The following WDR49 variants were observed in gnomAD, a reference collection of about 807,000 sequenced individuals.
The protein encoded by WDR49 is cilia- and flagella-associated protein 337.
WDR49 carries 107 observed loss-of-function variants against 119.5 expected under a neutral mutation model. The observed-to-expected ratio is 0.90, with a 90% CI of 0.77 to 1.05. WDR49 has a LOEUF of 1.05. Ranked by LOEUF, WDR49 falls within the 50% of genes least tolerant of loss-of-function variation. The pLI, the probability that WDR49 is intolerant of heterozygous loss-of-function variation, is 0.00. For missense variants in WDR49, 1,240 were observed against 1,220.5 expected (o/e 1.02, Z -0.24); for synonymous variants, 425 against 418.8 (o/e 1.01, Z -0.18).
chr3:167,621,326 C>T, intron 4 of WDR49, 141 bp downstream of exon 4: 1 of 836,194 alleles, frequency 1.2e-6, no homozygotes, highest in Non-Finnish European at 1.7e-6. Flanking sequence ...TGACCTAATC[C>T]ATCTCTTCCA....
chr3:167,536,155 A>G (rs577419727), intron 11 of WDR49, among the ~76,000 whole-genome samples: 3 of 152,194 alleles, frequency 2.0e-5, no homozygotes, highest in African/African-American at 4.8e-5. Context: ...TTGGTGTTCT[A>G]TTGCATAGTA....
At chr3:167,498,859 T>G (rs1577198981) in intron 18 of WDR49, among the ~76,000 whole-genome samples, 1 of 152,184 alleles carries the variant, frequency 6.6e-6, no homozygotes, top group East Asian at 1.9e-4. Context: ...CTCCCTGAAC[T>G]TTGAAAGGAA....
intron 7 of WDR49, among the ~76,000 whole-genome samples, chr3:167,581,752 T>A (rs909272534): frequency 6.6e-6 from 1 of 152,188 alleles, no homozygotes; most frequent in Non-Finnish European, 1.5e-5. Flanking sequence ...TAAATAGATG[T>A]GTGAATGGAT....
chr3:167,644,043 C>T (rs1049358677), intron 2 of WDR49, among the ~76,000 whole-genome samples: 3 of 147,432 alleles, frequency 2.0e-5, no homozygotes, highest in Non-Finnish European at 4.5e-5. Flanking sequence ...TGACAAATTC[C>T]CCCCAATCCC....
chr3:167,560,807 G>C (rs1275649219), intron 8 of WDR49, among the ~76,000 whole-genome samples: 1 of 150,394 alleles, frequency 6.6e-6, no homozygotes, highest in Non-Finnish European at 1.5e-5. Flanking sequence ...AAAGAGCACA[G>C]GTTAAATATA....
At chr3:167,599,073 G>A (rs1270339527) in intron 7 of WDR49, among the ~76,000 whole-genome samples, 3 of 152,138 alleles carry the variant, frequency 2.0e-5, no homozygotes, top group Non-Finnish European at 2.9e-5. Context: ...AAAGCCTGCT[G>A]TAACCATTAC....
chr3:167,631,370 C>G (rs1293971435), intron 2 of WDR49, among the ~76,000 whole-genome samples: 2 of 151,890 alleles, frequency 1.3e-5, no homozygotes, highest in Non-Finnish European at 2.9e-5. Flanking sequence ...AGAGCTGAAA[C>G]AAGAAAGCAG....
intron 10 of WDR49, among the ~76,000 whole-genome samples, chr3:167,548,670 T>C (rs1224832331): frequency 6.6e-6 from 1 of 151,958 alleles, no homozygotes; most frequent in African/African-American, 2.4e-5. Flanking sequence ...GTAACTCAAG[T>C]TGCAATGATA....
At chr3:167,591,519 G>T (rs890907465) in intron 7 of WDR49, among the ~76,000 whole-genome samples, 1 of 151,686 alleles carries the variant, frequency 6.6e-6, no homozygotes, top group African/African-American at 2.4e-5. Flanking sequence ...TCCAGCTATT[G>T]TTGTATTGTG....
intron 7 of WDR49, among the ~76,000 whole-genome samples, chr3:167,587,504 G>C (rs980149580): frequency 2.6e-5 from 4 of 151,496 alleles, no homozygotes; most frequent in African/African-American, 9.7e-5. Context: ...TTTCTTTTTT[G>C]AGACAGGGTC....
At chr3:167,498,538 C>A (rs946773215) in intron 18 of WDR49, among the ~76,000 whole-genome samples, 3 of 151,942 alleles carry the variant, frequency 2.0e-5, no homozygotes, top group African/African-American at 7.3e-5. Context: ...AGAAAATAGC[C>A]TGGGACAAAG....
intron 10 of WDR49, among the ~76,000 whole-genome samples, chr3:167,549,253 T>C (rs557582351): frequency 2.0e-5 from 3 of 152,262 alleles, no homozygotes; most frequent in Admixed American, 6.5e-5. Context: ...TTCTAGATCC[T>C]TGAGGAATCG....
At position 167,500,300 on chromosome 3, in the gene WDR49, C is replaced by T. The variant is rs1751512526; in HGVS notation, c.2885-1G>A. The T allele has an allele frequency of 1.9e-6, 3 of 1,604,900 alleles. No homozygotes were observed. The highest frequency in any genetic ancestry group is 2.5e-6 in the Non-Finnish European group (3 of 1,177,120). On this transcript the variant is annotated splice_acceptor_variant, in intron 17 of 18. Transcript: ENST00000682715. LOFTEE classifies it high-confidence loss of function. Reference sequence around the variant, plus strand: ...CCAATGTTTAATGACCTAAATGTACCTTCACAACAGCAGGTTTTAGAGGAA... The same window carrying T: ...CCAATGTTTAATGACCTAAATGTACTTTCACAACAGCAGGTTTTAGAGGAA...
intron 18 of WDR49, among the ~76,000 whole-genome samples, chr3:167,493,178 A>G (rs1197817706): frequency 6.6e-6 from 1 of 152,112 alleles, no homozygotes; most frequent in Non-Finnish European, 1.5e-5. Context: ...CTAGGCTCTT[A>G]TAGCATGACT....
At chr3:167,547,739 C>T (rs550189099) in intron 10 of WDR49, among the ~76,000 whole-genome samples, 1 of 150,680 alleles carries the variant, frequency 6.6e-6, no homozygotes, top group African/African-American at 2.4e-5. Flanking sequence ...AAAAATGACA[C>T]CAGTGAACAG....
chr3:167,646,863 G>A (rs959440422), intron 2 of WDR49, among the ~76,000 whole-genome samples: 1 of 152,042 alleles, frequency 6.6e-6, no homozygotes, highest in African/African-American at 2.4e-5. Context: ...TCCATAGAAC[G>A]TTGGTGAGAC....
chr3:167,621,031 G>A (rs1018386084), intron 4 of WDR49, among the ~76,000 whole-genome samples: 1 of 152,048 alleles, frequency 6.6e-6, no homozygotes, highest in Non-Finnish European at 1.5e-5. Flanking sequence ...TTTGTTATAT[G>A]ATACAGGCAA....
rs1245476175 is a variant in WDR49 at position 167,620,450 on chromosome 3, G to A, written c.937C>T (p.Gln313Ter). 6.5e-7 allele frequency: 1 copy of A among 1,535,522 alleles called. No individual in the cohort carries two copies. The highest frequency in any genetic ancestry group is 2.0e-5 in the Admixed American group (1 of 50,950). ...ATACCTTGCCTGACCCAATCTCCTT[G>A]ATGAAGTTTATGCTCTAATATATGG... The part of the protein sequence containing the change: ...CCHILEHKLH[Q>*]GDWVRQVTYN... The change falls in exon 5 of 19, where the codon CAA (glutamine) becomes TAA (stop). Residue 313 changes from glutamine (Q) to a stop codon, truncating the protein, a stop_gained. Transcript: ENST00000682715. LOFTEE classifies it high-confidence loss of function.
intron 11 of WDR49, among the ~76,000 whole-genome samples, chr3:167,536,079 G>C (rs573729082): frequency 1.3e-5 from 2 of 152,186 alleles, no homozygotes; most frequent in South Asian, 4.1e-4. Context: ...AGGATGGGGA[G>C]GGGAGACAGG....
Sources: allele counts gnomAD v4.1 joint callset (sites outside exome capture counted in the v4.1 genomes callset), GRCh38; gene constraint gnomAD v4.1.1; transcripts MANE v1.5; gene names NCBI Gene and HGNC (gene_info 2026-07-23, HGNC 2026-07-21).